Variants in TM7SF3 observed in about 807,000 individuals in gnomAD.
TM7SF3 encodes transmembrane 7 superfamily member 3, also known as seven span transmembrane protein.
In TM7SF3, 60 loss-of-function variants were observed where a neutral mutation model predicts 65.5. The observed-to-expected ratio is 0.92, with a 90% CI of 0.74 to 1.14. The LOEUF is 1.14. TM7SF3 is among the 50% of genes most tolerant of loss of function. TM7SF3 has a pLI of 0.00. For missense variants in TM7SF3, 623 were observed against 684.8 expected, an observed-to-expected ratio of 0.91 and a Z score of 1.01; for synonymous variants, 264 against 259.6, an observed-to-expected ratio of 1.02 and a Z score of -0.16.
chr12:27,010,082 T>C (rs1941189539), intron 1 of TM7SF3, among the ~76,000 whole-genome samples: 1 of 152,240 alleles, frequency 6.6e-6, no homozygotes, highest in African/African-American at 2.4e-5. Flanking sequence ...GCCTGAACTA[T>C]GTGACCTCAG....
Position 26,995,300 on chromosome 12 carries a change from C to T in TM7SF3, c.627G>A (p.Glu209=). 4 of 1,614,186 alleles carry T rather than the reference C, an allele frequency of 2.5e-6. No homozygotes were observed. The highest frequency in any genetic ancestry group is 1.1e-5 in the South Asian group (1 of 91,078). ...YFLPENDLTE[E]MLLKHLQRMV... ...TCCTCTGCAGATGCTTCAGCAACAT[C>T]TCCTCAGTGAGGTCATTCTCAGGCA... The change falls in exon 5 of 12, where the codon GAG becomes GAA. Residue 209 remains glutamate (E), a synonymous_variant. Transcript: ENST00000343028.
intron 6 of TM7SF3, among the ~76,000 whole-genome samples, chr12:26,986,597 TTTTC>T (rs933711789): frequency 1.3e-4 from 20 of 152,180 alleles, no homozygotes; most frequent in African/African-American, 4.8e-4. Context: ...CTGATTTTTT[TTTTC>T]TTTAACAGCG....
intron 1 of TM7SF3, among the ~76,000 whole-genome samples, chr12:27,004,345 G>A (rs1001658975): frequency 1.3e-5 from 2 of 152,118 alleles, no homozygotes; most frequent in Admixed American, 6.5e-5. Context: ...TTTCACATAA[G>A]CAGTCTTGGG....
At chr12:27,010,309 A>T (rs190390039) in intron 1 of TM7SF3, among the ~76,000 whole-genome samples, 138 of 152,378 alleles carry the variant, frequency 9.1e-4, no homozygotes, top group Admixed American at 4.1e-3. Flanking sequence ...AAGAAAGACA[A>T]TCAGGCACTC....
At chr12:26,974,356 C>T (rs989437325) in intron 11 of TM7SF3, 129 bp from the exon 12 acceptor site, 2 of 961,472 alleles carry the variant, frequency 2.1e-6, no homozygotes, top group African/African-American at 1.7e-5. Context: ...AGTCCAAACA[C>T]ATATGTAGTT....
At position 27,014,103 on chromosome 12, in the gene TM7SF3, G is replaced by A; in HGVS notation, c.66C>T (p.Ala22=). ...LASEHRVAGA[A]EVFGNSSEGL... is the part of the protein sequence containing the mutation. Reference sequence around the variant, plus strand: ...CCTCGCTGGAATTCCCGAAGACCTCGGCTGCACCAGCCACCCGGTGTTCGG... The same window carrying A: ...CCTCGCTGGAATTCCCGAAGACCTCAGCTGCACCAGCCACCCGGTGTTCGG... The change falls in exon 1 of 12, where the codon GCC becomes GCT. Residue 22 remains alanine (A), a synonymous_variant. Coordinates refer to ENST00000343028, the MANE Select transcript of TM7SF3 (RefSeq NM_016551.3). 2 of 1,572,566 alleles carry A rather than the reference G, an allele frequency of 1.3e-6. No individual in the cohort carries two copies. Among genetic ancestry groups the A allele is most frequent in the Non-Finnish European group, 1.7e-6 (2 of 1,158,850 alleles).
chr12:26,989,153 G>A lies in TM7SF3; in HGVS notation c.868+1297C>T, dbSNP rs569489090. ...TTTTGGGGAAGTCAAAGTTATACAC[G>A]GGTGGGGTATGGTGGCTTATGCCTG... On this transcript the variant is annotated intron_variant, in intron 6 of 11. Transcript: ENST00000343028. 1.6e-4 allele frequency among the ~76,000 whole-genome samples: 24 copies of A among 152,142 alleles called. 1 individual carries two copies. In the South Asian group the frequency reaches 2.5e-3, roughly 16 times the overall value.
Position 26,996,768 on chromosome 12 carries a change from A to C in TM7SF3, c.492T>G (p.Phe164Leu). 6.2e-7 allele frequency: 1 copy of C among 1,613,480 alleles called. No individual in the cohort carries two copies. Among genetic ancestry groups the C allele is most frequent in the Non-Finnish European group, 8.5e-7 (1 of 1,179,822 alleles). ...TCGCATAGCCTAGGTTTGCTGGGGCAAACTTGATAGTCGTTTCAAAGAAAT... is the reference window on the plus strand; with the variant it reads ...TCGCATAGCCTAGGTTTGCTGGGGCCAACTTGATAGTCGTTTCAAAGAAAT... ...EYNFFETTIKFAPANLGYARG... is the reference protein window; with the variant it reads ...EYNFFETTIKLAPANLGYARG... Residue 164 changes from phenylalanine (F) to leucine (L), a missense_variant, in exon 4 of 12, where the codon TTT (phenylalanine) becomes TTG (leucine). Physicochemically the swap from Phe to Leu is conservative, Grantham distance 22 (BLOSUM62 0). Transcript: ENST00000343028.
chr12:26,990,430 G>A lies in TM7SF3; in HGVS notation c.868+20C>T. The A allele has an allele frequency of 3.1e-6, 5 of 1,595,404 alleles. No homozygotes were observed. Among genetic ancestry groups the A allele is most frequent in the Non-Finnish European group, 4.3e-6 (5 of 1,167,612 alleles). The stretch of plus-strand genomic sequence containing the variant: ...CAAGGCCAAAGGAGAATTTGTAAAA[G>A]TTTAAAGCCACATACTCACCTAGGG... On this transcript the variant is annotated intron_variant, in intron 6 of 11. Transcript: ENST00000343028.
In TM7SF3 at chr12:27,004,008, G is replaced by T. The variant is rs182267412; in HGVS notation, c.92-618C>A. Among the ~76,000 whole-genome samples, 3 of 152,254 alleles carry T rather than the reference G, an allele frequency of 2.0e-5. No homozygotes were observed. In the East Asian group the frequency reaches 5.8e-4, roughly 29 times the overall value. ...CTGCACATAAAATTGTGAACCACAG[G>T]CATTCTGGAAAAGAGAGCTTTTGTT... On this transcript the variant is annotated intron_variant, in intron 1 of 11. Coordinates refer to ENST00000343028, the MANE Select transcript of TM7SF3 (RefSeq NM_016551.3).
At chr12:26,999,855 T>C (rs1326928200) in intron 2 of TM7SF3, 179 bp from the exon 3 acceptor site, 3 of 565,380 alleles carry the variant, frequency 5.3e-6, no homozygotes, top group African/African-American at 3.7e-5. Context: ...CACATATACA[T>C]GGAAAAAGCA....
rs753755646 is a variant in TM7SF3 at position 26,999,539 on chromosome 12, GGAGA to G, written c.380_383del (p.Leu127ProfsTer18). The stretch of plus-strand genomic sequence containing the variant: ...CAGAAGGGTTACCTCTTTCTGAGTA[GGAGA>G]GTAGGATAGCCATATTCTGGACAGG... On this transcript the variant is annotated frameshift_variant, in exon 3 of 12. Coordinates refer to ENST00000343028, the MANE Select transcript of TM7SF3 (RefSeq NM_016551.3). LOFTEE classifies it high-confidence loss of function. The G allele has an allele frequency of 8.1e-5, 131 of 1,614,010 alleles. No homozygotes were observed. Among genetic ancestry groups the G allele is most frequent in the Non-Finnish European group, 1.1e-4 (129 of 1,179,994 alleles).
At chr12:27,010,056 A>G (rs574570028) in intron 1 of TM7SF3, among the ~76,000 whole-genome samples, 3 of 152,328 alleles carry the variant, frequency 2.0e-5, no homozygotes, top group Non-Finnish European at 2.9e-5. Context: ...CATACAGTAA[A>G]TGTTTGTTAA....
chr12:26,985,643 AAAAAAAAAAATATATATATAT>A (rs1940028626), intron 6 of TM7SF3, among the ~76,000 whole-genome samples: 1 of 58,664 alleles, frequency 1.7e-5, no homozygotes, highest in Non-Finnish European at 3.1e-5. Context: ...AAAAAAAAAA[AAAAAAAAAAATATATATATAT>A]ATATATATAT....
At chr12:27,011,378 C>T (rs937359308) in intron 1 of TM7SF3, among the ~76,000 whole-genome samples, 2 of 152,158 alleles carry the variant, frequency 1.3e-5, no homozygotes, top group Non-Finnish European at 2.9e-5. Flanking sequence ...TGAACTGGGA[C>T]TCCAAGAGAA....
At chr12:26,998,357 G>T (rs1253028323) in intron 3 of TM7SF3, among the ~76,000 whole-genome samples, 1 of 151,996 alleles carries the variant, frequency 6.6e-6, no homozygotes, top group African/African-American at 2.4e-5. Context: ...ATTTAGTTGG[G>T]AATCTAATCT....
chr12:26,994,593 C>T (rs565592524), intron 5 of TM7SF3, among the ~76,000 whole-genome samples: 84 of 152,296 alleles, frequency 5.5e-4, no homozygotes, highest in Middle Eastern at 3.4e-3. Context: ...GTGATCCACC[C>T]GCCTCGGCCT....
intron 11 of TM7SF3, 105 bp downstream of exon 11, chr12:26,975,391 C>G (rs1939521036): frequency 8.6e-6 from 10 of 1,158,098 alleles, no homozygotes; most frequent in Non-Finnish European, 8.7e-6. Context: ...TCCTTTTGTC[C>G]CAGTTGACTT....
intron 6 of TM7SF3, among the ~76,000 whole-genome samples, chr12:26,988,908 CGAT>C (rs902295498): frequency 2.9e-4 from 44 of 152,006 alleles, no homozygotes; most frequent in Admixed American, 2.0e-4. Context: ...AATGTGAAGA[CGAT>C]GAAGATGAAG....
Sources: gnomAD v4.1 joint callset for allele counts (sites outside exome capture counted in the v4.1 genomes callset) on GRCh38, gnomAD v4.1.1 for gene constraint, MANE v1.5 for transcripts, NCBI Gene and HGNC (gene_info 2026-07-23, HGNC 2026-07-21) for gene names.